The following ZNF326 variants were observed in gnomAD, a reference collection of about 807,000 sequenced individuals.
ZNF326 encodes the protein DBIRD complex subunit ZNF326.
Under a neutral mutation model 63.1 loss-of-function variants are expected in ZNF326, and 30 were observed. That is an observed-to-expected ratio of 0.48 (90% CI 0.36 to 0.64). The LOEUF is 0.64. Among genes scored for constraint, ZNF326 ranks in the 30% least tolerant of loss-of-function variants. ZNF326 has a pLI of 0.00. For synonymous variants in ZNF326, 194 were observed against 228.2 expected (o/e 0.85, Z 1.35); for missense variants, 609 against 720.3 (o/e 0.85, Z 1.77).
At chr1:90,002,910 C>G (rs1648757309) in intron 2 of ZNF326, among the ~76,000 whole-genome samples, 1 of 151,874 alleles carries the variant, frequency 6.6e-6, no homozygotes, top group Admixed American at 6.6e-5. Flanking sequence ...GCAGATTTTC[C>G]AAATATTGAT....
At position 90,028,306 on chromosome 1, in the gene ZNF326, G is replaced by T. The variant is rs1205651645; in HGVS notation, c.*605G>T. The T allele has an allele frequency of 6.6e-6, 1 of 152,196 alleles. No homozygotes were observed. Among genetic ancestry groups the T allele is most frequent in the Non-Finnish European group, 1.5e-5 (1 of 68,150 alleles). 9.4% of individuals were successfully genotyped at this position (152,196 alleles called of 1,614,324 possible). A position where few individuals can be genotyped will look rare whatever the true frequency, so the allele number is the denominator to read the frequency against. ...ATTTAAAATAAAAATTTGCCTTAAT[G>T]TATCAGTTCAGCTCACAAGTATTTT... On this transcript the variant is annotated 3_prime_UTR_variant, in exon 12 of 12. Coordinates refer to ENST00000340281, the MANE Select transcript of ZNF326 (RefSeq NM_182976.4).
At chr1:90,027,042 A>G (rs960374630) in intron 11 of ZNF326, among the ~76,000 whole-genome samples, 2 of 146,440 alleles carry the variant, frequency 1.4e-5, no homozygotes, top group African/African-American at 2.5e-5. Context: ...CAAAAACCAC[A>G]CTTGTCTTTG....
chr1:90,022,451 A>C, intron 11 of ZNF326, 106 bp downstream of exon 11: 1 of 835,580 alleles, frequency 1.2e-6, no homozygotes, highest in African/African-American at 1.7e-5. Context: ...TAACATATTA[A>C]GAAGAATTTT....
intron 5 of ZNF326, among the ~76,000 whole-genome samples, chr1:90,008,787 T>G (rs1222443769): frequency 1.3e-5 from 2 of 152,212 alleles, no homozygotes; most frequent in Non-Finnish European, 2.9e-5. Context: ...GTAGAAATTT[T>G]GCATTTTTAA....
chr1:89,998,998 G>C (rs1199653914), intron 2 of ZNF326, among the ~76,000 whole-genome samples: 5 of 152,094 alleles, frequency 3.3e-5, no homozygotes, highest in Non-Finnish European at 5.9e-5. Flanking sequence ...ATAAACTTTG[G>C]ATTTCATGTG....
intron 2 of ZNF326, among the ~76,000 whole-genome samples, chr1:89,999,449 A>G (rs1332965386): frequency 1.3e-5 from 2 of 152,240 alleles, no homozygotes; most frequent in Non-Finnish European, 2.9e-5. Flanking sequence ...CTTGAAATGC[A>G]GACTCATGCA....
intron 8 of ZNF326, 56 bp downstream of exon 8, chr1:90,017,520 T>G: frequency 2.7e-6 from 4 of 1,476,402 alleles, no homozygotes; most frequent in Middle Eastern, 1.9e-4. Flanking sequence ...TTCTTATGAT[T>G]TCATTTTTCA....
At chr1:90,016,553 C>T (rs1013884097) in intron 7 of ZNF326, among the ~76,000 whole-genome samples, 2 of 151,758 alleles carry the variant, frequency 1.3e-5, no homozygotes, top group African/African-American at 2.4e-5. Flanking sequence ...CCTGTCTCTA[C>T]TAAAAATATA....
chr1:90,002,743 C>G (rs1000751322), intron 2 of ZNF326, among the ~76,000 whole-genome samples: 4 of 152,148 alleles, frequency 2.6e-5, no homozygotes, highest in African/African-American at 9.7e-5. Context: ...ATGAAAAAAG[C>G]AGTAACATAT....
In ZNF326 at chr1:90,030,834, A is replaced by AT. The variant is rs1277218507; in HGVS notation, c.*3141dup. On this transcript the variant is annotated 3_prime_UTR_variant, in exon 12 of 12. Coordinates refer to ENST00000340281, the MANE Select transcript of ZNF326 (RefSeq NM_182976.4). ...ACGTGCACCATCACACTCAGCTAAT[A>AT]TTTTTTTTGTAGAGATGGGGTCTTG... 3 of 151,828 alleles carry AT rather than the reference A, an allele frequency of 2.0e-5. No individual in the cohort carries two copies. The highest frequency in any genetic ancestry group is 6.6e-5 in the Admixed American group (1 of 15,200). The allele number at this position is 151,828 out of a possible 1,614,324, so 9.4% of individuals were successfully genotyped here. A position where few individuals can be genotyped will look rare whatever the true frequency, so the allele number is the denominator to read the frequency against.
Position 90,033,855 on chromosome 1 carries a change from T to C in ZNF326, c.*6154T>C, listed in dbSNP as rs141420473. 2.2e-4 allele frequency: 33 copies of C among 151,926 alleles called. No homozygotes were observed. Among genetic ancestry groups the C allele is most frequent in the African/African-American group, 7.7e-4 (32 of 41,472 alleles). 9.4% of individuals were successfully genotyped at this position (151,926 alleles called of 1,614,324 possible). ...ATATCACAGTGCCAGGTAAATACTA[T>C]GCAATAAATATTTTTGAATGTATGT... is the stretch of plus-strand genomic sequence containing the variant. On this transcript the variant is annotated 3_prime_UTR_variant, in exon 12 of 12. Coordinates refer to ENST00000340281, the MANE Select transcript of ZNF326 (RefSeq NM_182976.4).
At chr1:90,006,296 T>C (rs1269575961) in intron 4 of ZNF326, 1 of 978,840 alleles carries the variant, frequency 1.0e-6, no homozygotes, top group African/African-American at 1.8e-5. Context: ...CTGTAAATAA[T>C]TGAAGTAATG....
At chr1:90,011,543 A>G (rs1649235037) in intron 6 of ZNF326, among the ~76,000 whole-genome samples, 1 of 144,114 alleles carries the variant, frequency 6.9e-6, no homozygotes, top group Non-Finnish European at 1.5e-5. Context: ...TTTTTTAAGT[A>G]TAAAGTTAAA....
chr1:90,010,390 C>G, intron 6 of ZNF326, 104 bp downstream of exon 6: 1 of 1,105,514 alleles, frequency 9.0e-7, no homozygotes, highest in East Asian at 2.6e-5. Context: ...AACTACATAA[C>G]AATTATGATT....
rs1649733001 is a variant in ZNF326 at position 90,020,827 on chromosome 1, A to G, written c.1210A>G (p.Thr404Ala). 6.2e-7 allele frequency: 1 copy of G among 1,612,726 alleles called. No homozygotes were observed. Among genetic ancestry groups the G allele is most frequent in the Non-Finnish European group, 8.5e-7 (1 of 1,179,194 alleles). Residue 404 changes from threonine to alanine, a missense_variant, in exon 10 of 12, where the codon ACA becomes GCA. Physicochemically the swap from Thr to Ala is moderately conservative, Grantham distance 58 (BLOSUM62 0). This residue lies in a region of ZNF326 where 399 missense variants were observed against 444.3 expected (regional missense o/e 0.90). Coordinates refer to ENST00000340281, the MANE Select transcript of ZNF326 (RefSeq NM_182976.4). ...AGATGATCACATGATGAAGGTAGAG[A>G]CAGTTCATTGCAGCGCTTGCAGTGT... The part of the protein sequence containing the change: ...TVDDHMMKVE[T>A]VHCSACSVYI...
At chr1:90,026,764 C>T (rs1443637097) in intron 11 of ZNF326, among the ~76,000 whole-genome samples, 1 of 152,088 alleles carries the variant, frequency 6.6e-6, no homozygotes, top group African/African-American at 2.4e-5. Context: ...TCATTTCTTA[C>T]TACATTAATA....
rs1650401016 is a variant in ZNF326 at position 90,034,283 on chromosome 1, T to A, written c.*6582T>A. On this transcript the variant is annotated 3_prime_UTR_variant, in exon 12 of 12. Coordinates refer to ENST00000340281, the MANE Select transcript of ZNF326 (RefSeq NM_182976.4). ...TACCAATTTTAGAACATGCAAGGATTTCAGAAATTAACTCATAAAACACAA... is the reference window on the plus strand; with the variant it reads ...TACCAATTTTAGAACATGCAAGGATATCAGAAATTAACTCATAAAACACAA... 1 of 152,122 alleles carries A rather than the reference T, an allele frequency of 6.6e-6. No homozygotes were observed. The highest frequency in any genetic ancestry group is 1.5e-5 in the Non-Finnish European group (1 of 68,000). The allele number at this position is 152,122 out of a possible 1,614,324, so 9.4% of individuals were successfully genotyped here. A position where few individuals can be genotyped will look rare whatever the true frequency, so the allele number is the denominator to read the frequency against.
chr1:90,022,292 A>G lies in ZNF326; in HGVS notation c.1348A>G (p.Thr450Ala), dbSNP rs1352492841. The G allele has an allele frequency of 3.1e-6, 5 of 1,613,316 alleles. No homozygotes were observed. The highest frequency in any genetic ancestry group is 4.2e-6 in the Non-Finnish European group (5 of 1,179,520). Reference sequence around the variant, plus strand: ...AAAAAGAGAGAGTGTCTTGACTGCTACAAGCATTTTAAATAATCCAATAGT... The same window carrying G: ...AAAAAGAGAGAGTGTCTTGACTGCTGCAAGCATTTTAAATAATCCAATAGT... ...QIKRESVLTATSILNNPIVKA... is the reference protein window; with the variant it reads ...QIKRESVLTAASILNNPIVKA... The change falls in exon 11 of 12, where the codon ACA becomes GCA. Residue 450 changes from threonine to alanine, a missense_variant. Around this residue, in one of 3 missense-constraint regions of ZNF326, gnomAD observed 399 missense variants for 444.3 expected, o/e 0.90. Coordinates refer to ENST00000340281, the MANE Select transcript of ZNF326 (RefSeq NM_182976.4).
intron 1 of ZNF326, 74 bp downstream of exon 1, chr1:89,995,347 T>G: frequency 6.7e-7 from 1 of 1,501,698 alleles, no homozygotes; most frequent in Non-Finnish European, 8.9e-7. Flanking sequence ...CTGTTTACCG[T>G]CTCAAGATGG....
Sources: gnomAD v4.1 joint callset for allele counts (sites outside exome capture counted in the v4.1 genomes callset) on GRCh38, gnomAD v4.1.1 for gene constraint, gnomAD v4.1.1 regional missense constraint, MANE v1.5 for transcripts, NCBI Gene and HGNC (gene_info 2026-07-23, HGNC 2026-07-21) for gene names.